Variants in EMILIN2 observed in about 807,000 individuals in gnomAD.
EMILIN2 encodes elastin microfibril interfacer 2.
A neutral mutation model predicts 87.1 loss-of-function variants in EMILIN2; 71 were observed. The observed-to-expected ratio is 0.82, with a 90% CI of 0.67 to 0.99. EMILIN2 has a LOEUF of 0.99. EMILIN2 is among the 50% of genes least tolerant of loss of function. The probability of loss-of-function intolerance (pLI) is 0.00; values close to 1 mark genes in which losing one functional copy is unlikely to be tolerated. For synonymous variants in EMILIN2, 581 were observed against 563.4 expected, an observed-to-expected ratio of 1.03 and a Z score of -0.44; for missense variants, 1,407 against 1,371.8, an observed-to-expected ratio of 1.03 and a Z score of -0.40.
At chr18:2,858,536 T>G in intron 2 of EMILIN2, among the ~76,000 whole-genome samples, 1 of 32,914 alleles carries the variant, frequency 3.0e-5, no homozygotes, top group East Asian at 1.9e-3. Context: ...TATATATATA[T>G]ATATATATAT....
rs749570021 is a variant in EMILIN2 at position 2,892,280 on chromosome 18, C to T, written c.2153C>T (p.Ser718Phe). The T allele has an allele frequency of 6.8e-6, 11 of 1,614,008 alleles. No individual in the cohort carries two copies. The Admixed American group carries it at 1.0e-4, about 15-fold the overall frequency. ...GAGAAAACTTGCAGCAAGCTGGACT[C>T]TATCTCAGGAAATCTTCAGAGGATC... Reference protein sequence around the residue: ...HMEKTCSKLDSISGNLQRIKE... With the variant: ...HMEKTCSKLDFISGNLQRIKE... The change falls in exon 4 of 8, where the codon TCT becomes TTT. Residue 718 changes from serine to phenylalanine, a missense_variant. Ser to Phe is a radical substitution (Grantham distance 155). Transcript: ENST00000254528.
At chr18:2,870,265 TAATG>T (rs1256122708) in intron 2 of EMILIN2, among the ~76,000 whole-genome samples, 1 of 152,114 alleles carries the variant, frequency 6.6e-6, no homozygotes, top group African/African-American at 2.4e-5. Flanking sequence ...AATAAAAACA[TAATG>T]AAGTAAAAAA....
rs2076835650 is a variant in EMILIN2, at chr18:2,891,415, C to T, written c.1288C>T (p.Leu430=). The T allele has an allele frequency of 1.9e-6, 3 of 1,614,206 alleles. No homozygotes were observed. Among genetic ancestry groups the T allele is most frequent in the Non-Finnish European group, 1.7e-6 (2 of 1,180,048 alleles). Residue 430 remains leucine (L), a synonymous_variant, in exon 4 of 8, where the codon CTG becomes TTG. Coordinates refer to ENST00000254528, the MANE Select transcript of EMILIN2 (RefSeq NM_032048.3). This position sits in a 1 kb window ranked among gnomAD's most constrained non-coding sequence, Gnocchi z 4.6. Reference sequence around the variant, plus strand: ...AGCCACCAGAATGCTGAATGGAAGACTGGACAATGAGTTTGACCGCCTTAT... The same window carrying T: ...AGCCACCAGAATGCTGAATGGAAGATTGGACAATGAGTTTGACCGCCTTAT... ...AEATRMLNGR[L]DNEFDRLIVP...
intron 4 of EMILIN2, among the ~76,000 whole-genome samples, chr18:2,895,104 G>C (rs1197989495): frequency 6.6e-6 from 1 of 152,028 alleles, no homozygotes; most frequent in African/African-American, 2.4e-5. Context: ...ATGGCTGTGT[G>C]GGGGAGTATG....
At chr18:2,882,756 G>A (rs1023129240) in intron 2 of EMILIN2, among the ~76,000 whole-genome samples, 1 of 152,064 alleles carries the variant, frequency 6.6e-6, no homozygotes, top group African/African-American at 2.4e-5. Context: ...GGTGGTGGGT[G>A]CCTGTAATCC....
At chr18:2,898,075 G>A (rs2076871771) in intron 4 of EMILIN2, among the ~76,000 whole-genome samples, 1 of 152,146 alleles carries the variant, frequency 6.6e-6, no homozygotes, top group Non-Finnish European at 1.5e-5. Context: ...ATTTTCACAG[G>A]TGCGGGGAGC....
Position 2,847,684 on chromosome 18 carries a change from C to T in EMILIN2, c.135-125C>T. On this transcript the variant is annotated intron_variant, in intron 1 of 7. Transcript: ENST00000254528. The surrounding 1 kb of genome is among the most constrained non-coding windows in gnomAD (Gnocchi z 4.5). ...CGGCGTCTGCTCGGTGAAGCTCCCG[C>T]CTCCGCAGAGGGCGACGGGCCCCCC... The T allele has an allele frequency of 7.0e-7, 1 of 1,419,606 alleles. No individual in the cohort carries two copies. Among genetic ancestry groups the T allele is most frequent in the Admixed American group, 2.6e-5 (1 of 38,680 alleles). The allele number at this position is 1,419,606 out of a possible 1,614,324, so 87.9% of individuals were successfully genotyped here.
intron 2 of EMILIN2, among the ~76,000 whole-genome samples, chr18:2,876,023 C>T (rs2076745832): frequency 1.3e-5 from 2 of 149,114 alleles, no homozygotes; most frequent in African/African-American, 2.5e-5. Flanking sequence ...GCTCTGTCAC[C>T]CAGGCTGGAG....
In EMILIN2 at chr18:2,847,067, G is replaced by A. The variant is rs1347413803; in HGVS notation, c.-122G>A. On this transcript the variant is annotated 5_prime_UTR_variant, in exon 1 of 8. Transcript: ENST00000254528. This position sits in a 1 kb window ranked among gnomAD's most constrained non-coding sequence, Gnocchi z 4.5. ...GCCGCGGAGCACTGGTTGGAGCGCC[G>A]CGAAGCGCCCGAGCCTCTTGCCTTC... 9.3e-7 allele frequency: 1 copy of A among 1,079,622 alleles called. No individual in the cohort carries two copies. The allele number at this position is 1,079,622 out of a possible 1,614,324, so 66.9% of individuals were successfully genotyped here.
intron 2 of EMILIN2, among the ~76,000 whole-genome samples, chr18:2,883,772 A>G (rs907685853): frequency 1.3e-5 from 2 of 152,286 alleles, no homozygotes; most frequent in East Asian, 1.9e-4. Flanking sequence ...AGTGCTTCCA[A>G]TTCTGCTTCC....
At chr18:2,858,125 C>G (rs1174025658) in intron 2 of EMILIN2, among the ~76,000 whole-genome samples, 2 of 151,900 alleles carry the variant, frequency 1.3e-5, no homozygotes, top group Non-Finnish European at 2.9e-5. Context: ...ATGAGTAATC[C>G]CAATTAGGAA....
rs146485191 is a variant in EMILIN2, at chr18:2,902,934, G to A, written c.2360-3849G>A. Reference sequence around the variant, plus strand: ...TTTCAGAGGAAAAGGGTGATTTGACGGGTTGGTGAGGACAGGGGAGAAAAT... The same window carrying A: ...TTTCAGAGGAAAAGGGTGATTTGACAGGTTGGTGAGGACAGGGGAGAAAAT... On this transcript the variant is annotated intron_variant, in intron 4 of 7. Coordinates refer to ENST00000254528, the MANE Select transcript of EMILIN2 (RefSeq NM_032048.3). Among the ~76,000 whole-genome samples the A allele has an allele frequency of 4.3e-4, 66 of 152,178 alleles. 1 individual carries two copies. The East Asian group carries it at 6.2e-3, about 14-fold the overall frequency.
At chr18:2,876,728 T>C (rs1346322948) in intron 2 of EMILIN2, among the ~76,000 whole-genome samples, 3 of 152,072 alleles carry the variant, frequency 2.0e-5, no homozygotes, top group Non-Finnish European at 4.4e-5. Context: ...ATAGTGCCAC[T>C]GCACTCCAGC....
chr18:2,901,747 C>G (rs2076888963), intron 4 of EMILIN2, among the ~76,000 whole-genome samples: 1 of 152,250 alleles, frequency 6.6e-6, no homozygotes, highest in Non-Finnish European at 1.5e-5. Flanking sequence ...CTGGAGAGGT[C>G]TCTTTCCAGA....
chr18:2,898,862 T>G (rs1332231116), intron 4 of EMILIN2, among the ~76,000 whole-genome samples: 1 of 152,148 alleles, frequency 6.6e-6, no homozygotes, highest in Non-Finnish European at 1.5e-5. Context: ...ACTTAGAGTT[T>G]TATAAACATA....
chr18:2,886,581 G>C (rs1012836017), intron 3 of EMILIN2, among the ~76,000 whole-genome samples: 1 of 152,078 alleles, frequency 6.6e-6, no homozygotes, highest in Non-Finnish European at 1.5e-5. Flanking sequence ...CTCAACACAT[G>C]GCTCCTATCC....
intron 2 of EMILIN2, among the ~76,000 whole-genome samples, chr18:2,849,249 T>C (rs758908996): frequency 6.6e-5 from 10 of 152,216 alleles, no homozygotes; most frequent in Non-Finnish European, 1.3e-4. Context: ...TGATACAAAC[T>C]AAGTATTCAA....
chr18:2,864,574 G>T (rs1180989104), intron 2 of EMILIN2, among the ~76,000 whole-genome samples: 1 of 152,180 alleles, frequency 6.6e-6, no homozygotes, highest in African/African-American at 2.4e-5. Flanking sequence ...TAGAGTTTCT[G>T]CTGAGAGATC....
At chr18:2,867,048 C>T (rs1367354759) in intron 2 of EMILIN2, among the ~76,000 whole-genome samples, 4 of 152,166 alleles carry the variant, frequency 2.6e-5, no homozygotes, top group African/African-American at 7.2e-5. Flanking sequence ...GTATGAAACC[C>T]ACTTGATATG....
Sources: gnomAD v4.1 joint callset for allele counts (sites outside exome capture counted in the v4.1 genomes callset) on GRCh38, gnomAD v4.1.1 for gene constraint, Gnocchi (gnomAD v3.1) non-coding constraint, MANE v1.5 for transcripts, NCBI Gene and HGNC (gene_info 2026-07-23, HGNC 2026-07-21) for gene names.